Variants in LRRC42 observed in about 807,000 individuals in gnomAD.
The protein encoded by LRRC42 is leucine-rich repeat-containing protein 42.
Under a neutral mutation model 44.3 loss-of-function variants are expected in LRRC42, and 43 were observed. That is an observed-to-expected ratio of 0.97 (90% CI 0.76 to 1.25). The LOEUF (loss-of-function observed/expected upper bound fraction) is 1.25. LRRC42 is among the 50% of genes most tolerant of loss of function. The probability of loss-of-function intolerance (pLI) is 0.00; values close to 1 mark genes in which losing one functional copy is unlikely to be tolerated. For synonymous variants in LRRC42, 207 were observed against 195.2 expected, an observed-to-expected ratio of 1.06 and a Z score of -0.50; for missense variants, 540 against 509.1, an observed-to-expected ratio of 1.06 and a Z score of -0.58.
rs548977787 is a variant in LRRC42 at position 53,952,054 on chromosome 1, C to G, written c.55C>G (p.Arg19Gly). 2 of 1,614,178 alleles carry G rather than the reference C, an allele frequency of 1.2e-6. No individual in the cohort carries two copies. Among genetic ancestry groups the G allele is most frequent in the Non-Finnish European group, 8.5e-7 (1 of 1,180,022 alleles). Residue 19 changes from arginine (R) to glycine (G), a missense_variant, in exon 3 of 9, where the codon CGA (arginine) becomes GGA (glycine). Arg to Gly is a moderately radical substitution (Grantham distance 125). Transcript: ENST00000371370. ...CCTGGACCCAGGGCCCATCTACATG[C>G]GAGAAAATGGGCAGCTGCACATGGT... ...NHLDPGPIYM[R>G]ENGQLHMVNL...
At position 53,967,807 on chromosome 1, in the gene LRRC42, C is replaced by T; in HGVS notation, c.1155C>T (p.Ser385=). Residue 385 remains serine (S), a synonymous_variant, in exon 9 of 9, where the codon AGC becomes AGT. Transcript: ENST00000371370. The stretch of plus-strand genomic sequence containing the variant: ...TGTTGAAACACGAAGCTATCTCAAG[C>T]CAGGAGTCAAAGAAGAGCAAGAAGA... ...GPVLKHEAIS[S]QESKKSKKRP... is the part of the protein sequence containing the mutation. The T allele has an allele frequency of 6.2e-7, 1 of 1,614,120 alleles. No homozygotes were observed. Among genetic ancestry groups the T allele is most frequent in the Non-Finnish European group, 8.5e-7 (1 of 1,180,022 alleles).
At chr1:53,966,198 T>G in intron 7 of LRRC42, 98 bp from the exon 8 acceptor site, 1 of 880,812 alleles carries the variant, frequency 1.1e-6, no homozygotes, top group South Asian at 1.5e-5. Flanking sequence ...ACCAGAGGGG[T>G]TTGTGTTTAT....
At chr1:53,961,931 TTA>T (rs1655004412) in intron 5 of LRRC42, 101 bp from the exon 6 acceptor site, 1 of 796,572 alleles carries the variant, frequency 1.3e-6, no homozygotes. Flanking sequence ...CTCAAATGTT[TTA>T]TAGTTTATCA....
At chr1:53,958,467 C>T (rs955127121) in intron 4 of LRRC42, among the ~76,000 whole-genome samples, 187 bp downstream of exon 4, 1 of 152,206 alleles carries the variant, frequency 6.6e-6, no homozygotes, top group Non-Finnish European at 1.5e-5. Context: ...CTTAGAAAGT[C>T]AGTCAGTTGA....
chr1:53,960,881 G>C (rs1414921550), intron 5 of LRRC42, among the ~76,000 whole-genome samples: 1 of 152,148 alleles, frequency 6.6e-6, no homozygotes, highest in Non-Finnish European at 1.5e-5. Context: ...AATTTACTCA[G>C]ATTAACCAGA....
chr1:53,951,927 G>A, intron 2 of LRRC42, 59 bp from the exon 3 acceptor site: 1 of 1,325,898 alleles, frequency 7.5e-7, no homozygotes. Flanking sequence ...GCAAGATGAA[G>A]TTACATGTTA....
chr1:53,960,519 T>C (rs1340618760), intron 5 of LRRC42, 45 bp downstream of exon 5: 3 of 1,367,024 alleles, frequency 2.2e-6, no homozygotes, highest in East Asian at 4.6e-5. Flanking sequence ...GTTGGAAGAA[T>C]GGCCTTAGAG....
intron 2 of LRRC42, among the ~76,000 whole-genome samples, chr1:53,949,500 A>G (rs1356812802): frequency 6.6e-6 from 1 of 152,198 alleles, no homozygotes; most frequent in African/African-American, 2.4e-5. Flanking sequence ...CTGATCTACA[A>G]GTAGAGTGGA....
intron 2 of LRRC42, among the ~76,000 whole-genome samples, chr1:53,951,591 A>G (rs908817489): frequency 6.6e-6 from 1 of 152,084 alleles, no homozygotes; most frequent in East Asian, 1.9e-4. Context: ...CGCTCGGCTA[A>G]TTTTTGTATT....
intron 3 of LRRC42, among the ~76,000 whole-genome samples, chr1:53,953,122 C>A (rs1246227225): frequency 6.6e-6 from 1 of 152,164 alleles, no homozygotes; most frequent in Non-Finnish European, 1.5e-5. Flanking sequence ...TAAACACAAA[C>A]ACAAAGTGGC....
intron 7 of LRRC42, among the ~76,000 whole-genome samples, chr1:53,965,190 A>G (rs1270612791): frequency 6.6e-6 from 1 of 150,844 alleles, no homozygotes. Context: ...GCAGGGTTTG[A>G]CCATGTTGGC....
chr1:53,963,695 T>C (rs1185444928), intron 7 of LRRC42, among the ~76,000 whole-genome samples: 6 of 152,180 alleles, frequency 3.9e-5, no homozygotes, highest in African/African-American at 7.2e-5. Flanking sequence ...GGATCTGTTA[T>C]TGAAACTGTT....
rs754668100 is a variant in LRRC42, at chr1:53,952,167, C to T, written c.168C>T (p.Cys56=). 6.8e-6 allele frequency: 11 copies of T among 1,614,204 alleles called. No homozygotes were observed. The highest frequency in any genetic ancestry group is 1.6e-4 in the Middle Eastern group (1 of 6,062). ...CCAAAGGCTTTTCTGTGGAGCTTTG[C>T]ATGAACAGGGAAGACGACACTGCAC... ...LFPKGFSVEL[C]MNREDDTARK... is the part of the protein sequence containing the mutation. The change falls in exon 3 of 9, where the codon TGC becomes TGT. Residue 56 remains cysteine, a synonymous_variant. Transcript: ENST00000371370.
chr1:53,964,523 T>C (rs919950190), intron 7 of LRRC42, among the ~76,000 whole-genome samples: 8 of 152,188 alleles, frequency 5.3e-5, no homozygotes, highest in African/African-American at 1.9e-4. Context: ...GACATTCTTA[T>C]TTCTGTTTAG....
At chr1:53,956,215 C>T (rs983149820) in intron 3 of LRRC42, among the ~76,000 whole-genome samples, 1 of 152,130 alleles carries the variant, frequency 6.6e-6, no homozygotes, top group African/African-American at 2.4e-5. Context: ...GGGGTTAAGT[C>T]ACAAAGCTAC....
intron 3 of LRRC42, among the ~76,000 whole-genome samples, chr1:53,957,884 T>A (rs1306178107): frequency 6.6e-6 from 1 of 152,022 alleles, no homozygotes; most frequent in African/African-American, 2.4e-5. Context: ...GTTTCACTTG[T>A]GACTTTCCTT....
chr1:53,959,539 C>T (rs920975336), intron 4 of LRRC42, among the ~76,000 whole-genome samples: 2 of 152,208 alleles, frequency 1.3e-5, no homozygotes, highest in Admixed American at 1.3e-4. Flanking sequence ...CATCAAGGCT[C>T]AGATTTCTTA....
chr1:53,952,010 A>T lies in LRRC42; in HGVS notation c.11A>T (p.Tyr4Phe). Reference sequence around the variant, plus strand: ...GTTGCAACCAAGGCAATGTCTTACTACCTCAGCTCAGAAAACCACCTGGAC... The same window carrying T: ...GTTGCAACCAAGGCAATGTCTTACTTCCTCAGCTCAGAAAACCACCTGGAC... MSY[Y>F]LSSENHLDPG... Residue 4 changes from tyrosine (Y) to phenylalanine (F), a missense_variant, in exon 3 of 9, where the codon TAC (tyrosine) becomes TTC (phenylalanine). Tyr to Phe is a conservative substitution (Grantham distance 22). Transcript: ENST00000371370. 2 of 1,613,356 alleles carry T rather than the reference A, an allele frequency of 1.2e-6. No individual in the cohort carries two copies. The highest frequency in any genetic ancestry group is 1.7e-6 in the Non-Finnish European group (2 of 1,179,818).
intron 7 of LRRC42, among the ~76,000 whole-genome samples, chr1:53,964,114 C>A (rs568361203): frequency 2.2e-4 from 33 of 151,996 alleles, no homozygotes; most frequent in Non-Finnish European, 3.8e-4. Context: ...TACTCCCTTG[C>A]GATTTAGTTC....
Sources: allele counts gnomAD v4.1 joint callset (sites outside exome capture counted in the v4.1 genomes callset), GRCh38; gene constraint gnomAD v4.1.1; transcripts MANE v1.5; gene names NCBI Gene and HGNC (gene_info 2026-07-23, HGNC 2026-07-21).